ABTB2: variants seen among roughly 807,000 people sequenced by gnomAD.
ABTB2 encodes the protein ankyrin repeat and BTB domain containing 2.
Under a neutral mutation model 104.1 loss-of-function variants are expected in ABTB2, and 56 were observed. The ratio of observed to expected loss-of-function variants is 0.54; its 90% CI spans 0.43 to 0.67. The LOEUF is 0.67. ABTB2 is among the 30% of genes least tolerant of loss of function. The pLI is 0.00. For missense variants in ABTB2, 1,279 were observed against 1,407.7 expected (o/e 0.91, Z 1.46); for synonymous variants, 606 against 608.2 (o/e 1.00, Z 0.05).
rs1852946080 is a variant in ABTB2, at chr11:34,175,110, TC to T, written c.1245-1804del. On this transcript the variant is annotated intron_variant, in intron 3 of 16. Coordinates refer to ENST00000435224, the MANE Select transcript of ABTB2 (RefSeq NM_145804.3). Reference sequence around the variant, plus strand: ...CTCCTTGGCTAGGAAGTAAGCCACCTCCAGGGAGTCAGCCTGGGCTGCCCTC... The same window carrying T: ...CTCCTTGGCTAGGAAGTAAGCCACCTCAGGGAGTCAGCCTGGGCTGCCCTC... Among the ~76,000 whole-genome samples the T allele has an allele frequency of 2.0e-5, 3 of 152,214 alleles. No homozygotes were observed. In the South Asian group the frequency reaches 6.2e-4, roughly 32 times the overall value.
intron 2 of ABTB2, 34 bp from the exon 3 acceptor site, chr11:34,197,572 G>T: frequency 7.1e-7 from 1 of 1,401,248 alleles, no homozygotes; most frequent in South Asian, 1.3e-5. Context: ...AGGGGAGGAA[G>T]AGAAAAAAAG....
At chr11:34,229,305 A>T (rs1486285674) in intron 1 of ABTB2, among the ~76,000 whole-genome samples, 1 of 151,044 alleles carries the variant, frequency 6.6e-6, no homozygotes, top group African/African-American at 2.4e-5. Flanking sequence ...ACACGATGAA[A>T]CCCGTCTCTA....
intron 1 of ABTB2, among the ~76,000 whole-genome samples, chr11:34,243,844 G>C (rs562910105): frequency 6.6e-6 from 1 of 152,142 alleles, no homozygotes; most frequent in African/African-American, 2.4e-5. Context: ...GGGTATCAGC[G>C]TGGTGACTCA....
intron 1 of ABTB2, among the ~76,000 whole-genome samples, chr11:34,316,171 G>A (rs1041107086): frequency 5.3e-5 from 8 of 152,224 alleles, no homozygotes; most frequent in African/African-American, 1.9e-4. Context: ...CCTGGGCAAG[G>A]AGGAGGGGAG....
At chr11:34,152,625 G>GTACA (rs1852561148) in intron 16 of ABTB2, 41 bp from the exon 17 acceptor site, 1 of 1,573,940 alleles carries the variant, frequency 6.4e-7, no homozygotes, top group Non-Finnish European at 8.7e-7. Context: ...CATCGCCTTA[G>GTACA]TACAGCCCCA....
intron 3 of ABTB2, among the ~76,000 whole-genome samples, chr11:34,190,438 G>T (rs960508228): frequency 1.3e-4 from 20 of 152,208 alleles, no homozygotes; most frequent in African/African-American, 4.8e-4. Flanking sequence ...CTGTCTGGTG[G>T]GTTTTGCTCA....
At chr11:34,234,886 C>G (rs561774411) in intron 1 of ABTB2, among the ~76,000 whole-genome samples, 2 of 152,292 alleles carry the variant, frequency 1.3e-5, no homozygotes, top group African/African-American at 2.4e-5. Flanking sequence ...GAGACAGAGT[C>G]TCGCTCCTTC....
chr11:34,174,881 G>A (rs979887514), intron 3 of ABTB2, among the ~76,000 whole-genome samples: 1 of 152,212 alleles, frequency 6.6e-6, no homozygotes, highest in Non-Finnish European at 1.5e-5. Flanking sequence ...GCTCCTGCCT[G>A]TTCCCAGCCC....
At chr11:34,334,895 C>A (rs928917575) in intron 1 of ABTB2, among the ~76,000 whole-genome samples, 1 of 152,062 alleles carries the variant, frequency 6.6e-6, no homozygotes, top group Non-Finnish European at 1.5e-5. Context: ...AAGCTAATTA[C>A]CACAACCTAT....
intron 1 of ABTB2, among the ~76,000 whole-genome samples, chr11:34,236,055 G>A (rs555721910): frequency 7.2e-5 from 11 of 152,312 alleles, no homozygotes; most frequent in African/African-American, 2.4e-4. Context: ...TGGACATCGG[G>A]TGCAGGCTGG....
intron 9 of ABTB2, 42 bp downstream of exon 9, chr11:34,164,644 A>G (rs1797191965): frequency 2.1e-6 from 3 of 1,438,468 alleles, no homozygotes; most frequent in Middle Eastern, 1.8e-4. Flanking sequence ...AGCTTAGTTC[A>G]GTGCCCTCAT....
chr11:34,327,499 A>G (rs770626470), intron 1 of ABTB2, among the ~76,000 whole-genome samples: 15 of 152,142 alleles, frequency 9.9e-5, no homozygotes, highest in Non-Finnish European at 1.0e-4. Context: ...ACATTTGGTT[A>G]TCTTCACTCA....
At chr11:34,300,142 G>GC in intron 1 of ABTB2, among the ~76,000 whole-genome samples, 1 of 152,246 alleles carries the variant, frequency 6.6e-6, no homozygotes, top group Non-Finnish European at 1.5e-5. Context: ...CTATTTTACA[G>GC]CCCGCTGAAT....
At position 34,252,327 on chromosome 11, in the gene ABTB2, C is replaced by T. The variant is rs1354586332; in HGVS notation, c.884-47637G>A. Among the ~76,000 whole-genome samples the T allele has an allele frequency of 2.0e-5, 3 of 152,170 alleles. No individual in the cohort carries two copies. The highest frequency in any genetic ancestry group is 4.4e-5 in the Non-Finnish European group (3 of 68,036). ...CTATCAGCCTTTTCTTTGGACTGGC[C>T]CCATCTCTTCCCTGGCTTGGGGCTG... On this transcript the variant is annotated intron_variant, in intron 1 of 16. Transcript: ENST00000435224. This position sits in a 1 kb window ranked among gnomAD's most constrained non-coding sequence, Gnocchi z 5.5.
At chr11:34,307,901 G>A (rs760717604) in intron 1 of ABTB2, among the ~76,000 whole-genome samples, 17 of 152,222 alleles carry the variant, frequency 1.1e-4, no homozygotes, top group Non-Finnish European at 2.4e-4. Flanking sequence ...GTTTCACCAT[G>A]TTGGTCAGGC....
At chr11:34,281,669 G>A (rs1008408196) in intron 1 of ABTB2, among the ~76,000 whole-genome samples, 4 of 152,172 alleles carry the variant, frequency 2.6e-5, no homozygotes, top group Non-Finnish European at 4.4e-5. Context: ...CTGCACCACC[G>A]AGTTCCAGTA....
At chr11:34,238,143 AC>A (rs1480007706) in intron 1 of ABTB2, among the ~76,000 whole-genome samples, 1 of 152,226 alleles carries the variant, frequency 6.6e-6, no homozygotes, top group Non-Finnish European at 1.5e-5. Flanking sequence ...CTCTCTGGCT[AC>A]CCACACTAGC....
intron 3 of ABTB2, among the ~76,000 whole-genome samples, chr11:34,196,846 C>A (rs905501859): frequency 4.6e-5 from 7 of 152,210 alleles, no homozygotes; most frequent in Admixed American, 2.6e-4. Context: ...ACACCCAGGA[C>A]CCCTCATAAC....
rs575564089 is a variant in ABTB2 at position 34,254,539 on chromosome 11, T to G, written c.884-49849A>C. 9.8e-5 allele frequency among the ~76,000 whole-genome samples: 15 copies of G among 152,296 alleles called. No individual in the cohort carries two copies. The East Asian group carries it at 2.3e-3, about 23-fold the overall frequency. On this transcript the variant is annotated intron_variant, in intron 1 of 16. Coordinates refer to ENST00000435224, the MANE Select transcript of ABTB2 (RefSeq NM_145804.3). ...AAGTAATGGGATTTGAGAGCCACCGTGCTCGGCCAATGGAAGCTTTTATTA... is the reference window on the plus strand; with the variant it reads ...AAGTAATGGGATTTGAGAGCCACCGGGCTCGGCCAATGGAAGCTTTTATTA...
Sources: gnomAD v4.1 joint callset for allele counts (sites outside exome capture counted in the v4.1 genomes callset) on GRCh38, gnomAD v4.1.1 for gene constraint, Gnocchi (gnomAD v3.1) non-coding constraint, MANE v1.5 for transcripts, NCBI Gene and HGNC (gene_info 2026-07-23, HGNC 2026-07-21) for gene names.